Variants in DGKB observed in about 807,000 individuals in gnomAD.
DGKB encodes the protein diacylglycerol kinase beta.
A neutral mutation model predicts 114.3 loss-of-function variants in DGKB; 67 were observed. That is an observed-to-expected ratio of 0.59 (90% CI 0.48 to 0.72). The LOEUF (loss-of-function observed/expected upper bound fraction) is 0.72. DGKB is among the 30% of genes least tolerant of loss of function. DGKB has a pLI of 0.00. For missense variants in DGKB, 907 were observed against 975.2 expected, an observed-to-expected ratio of 0.93 and a Z score of 0.93; for synonymous variants, 398 against 323.1, an observed-to-expected ratio of 1.23 and a Z score of -2.49.
At chr7:14,955,689 A>C (rs1381936925) in intron 1 of DGKB, among the ~76,000 whole-genome samples, 1 of 152,096 alleles carries the variant, frequency 6.6e-6, no homozygotes, top group Non-Finnish European at 1.5e-5. Flanking sequence ...AACACACAAA[A>C]GAAACAGGAA....
chr7:14,807,583 A>T (rs1286837063), intron 2 of DGKB, among the ~76,000 whole-genome samples: 1 of 152,012 alleles, frequency 6.6e-6, no homozygotes, highest in East Asian at 1.9e-4. Context: ...ATTAAATAAG[A>T]TCAGTATTGT....
At chr7:14,647,022 C>A (rs537520186) in intron 13 of DGKB, among the ~76,000 whole-genome samples, 3 of 150,700 alleles carry the variant, frequency 2.0e-5, no homozygotes, top group East Asian at 4.0e-4. Context: ...AAACAGTCAA[C>A]AAAATGAAAA....
At chr7:14,786,832 G>A (rs931883767) in intron 2 of DGKB, among the ~76,000 whole-genome samples, 1 of 152,240 alleles carries the variant, frequency 6.6e-6, no homozygotes, top group Non-Finnish European at 1.5e-5. Context: ...GCTCGGCATA[G>A]GCCCGCAGGT....
chr7:14,553,219 T>C (rs1339894534), intron 20 of DGKB, among the ~76,000 whole-genome samples: 1 of 152,240 alleles, frequency 6.6e-6, no homozygotes, highest in Non-Finnish European at 1.5e-5. Context: ...CATATGCACA[T>C]GCTTTGTCAC....
At chr7:14,920,814 G>T (rs1280358124) in intron 1 of DGKB, among the ~76,000 whole-genome samples, 2 of 152,124 alleles carry the variant, frequency 1.3e-5, no homozygotes, top group Non-Finnish European at 2.9e-5. Flanking sequence ...ATTATTTGGT[G>T]ATAAAGGGAA....
At chr7:14,565,052 A>T (rs1268768691) in intron 20 of DGKB, among the ~76,000 whole-genome samples, 1 of 152,140 alleles carries the variant, frequency 6.6e-6, no homozygotes, top group Non-Finnish European at 1.5e-5. Context: ...CAAGAGGTAG[A>T]TTCTATATCT....
At chr7:14,949,140 A>C (rs143494289) in intron 1 of DGKB, among the ~76,000 whole-genome samples, 2 of 151,838 alleles carry the variant, frequency 1.3e-5, no homozygotes, top group African/African-American at 4.8e-5. Flanking sequence ...ATACGAAAAA[A>C]CAGGTATTTT....
At chr7:14,487,955 AT>A (rs1761770006) in intron 20 of DGKB, among the ~76,000 whole-genome samples, 1 of 152,120 alleles carries the variant, frequency 6.6e-6, no homozygotes, top group African/African-American at 2.4e-5. Flanking sequence ...GAAATAAAAT[AT>A]ATTTCTCATC....
intron 20 of DGKB, among the ~76,000 whole-genome samples, chr7:14,531,285 G>T (rs1791544011): frequency 6.6e-6 from 1 of 151,420 alleles, no homozygotes; most frequent in African/African-American, 2.4e-5. Flanking sequence ...AGACAAAAAT[G>T]ATCTTGTGTG....
At chr7:14,522,039 T>C (rs1339430476) in intron 20 of DGKB, among the ~76,000 whole-genome samples, 1 of 152,182 alleles carries the variant, frequency 6.6e-6, no homozygotes, top group Admixed American at 6.6e-5. Flanking sequence ...TTTTAAGCTT[T>C]GCGTCCTAAG....
intron 1 of DGKB, among the ~76,000 whole-genome samples, chr7:14,851,333 T>C (rs1218003293): frequency 6.6e-6 from 1 of 152,172 alleles, no homozygotes; most frequent in Non-Finnish European, 1.5e-5. Flanking sequence ...ATTTTGAATT[T>C]GGTTTATTAT....
intron 1 of DGKB, among the ~76,000 whole-genome samples, chr7:14,844,526 C>G (rs577188237): frequency 1.3e-5 from 2 of 152,278 alleles, no homozygotes; most frequent in Admixed American, 6.5e-5. Flanking sequence ...TACAAAAAAA[C>G]CCAGAAACCT....
chr7:14,527,032 T>C (rs1214111416), intron 20 of DGKB, among the ~76,000 whole-genome samples: 3 of 152,310 alleles, frequency 2.0e-5, no homozygotes, highest in South Asian at 4.1e-4. Flanking sequence ...TCAGCATTTA[T>C]ATTCAATGGT....
chr7:14,364,212 A>T (rs1019070055), intron 21 of DGKB, among the ~76,000 whole-genome samples: 4 of 152,026 alleles, frequency 2.6e-5, no homozygotes, highest in Non-Finnish European at 5.9e-5. Flanking sequence ...TAAAAACAAG[A>T]TTTGCTTTCC....
chr7:14,644,298 G>A (rs1812471918), intron 13 of DGKB, among the ~76,000 whole-genome samples: 1 of 152,106 alleles, frequency 6.6e-6, no homozygotes, highest in South Asian at 2.1e-4. Context: ...TCAGTGTAGG[G>A]ATGCAGGAAA....
At chr7:14,556,695 G>A (rs901516708) in intron 20 of DGKB, among the ~76,000 whole-genome samples, 1 of 151,896 alleles carries the variant, frequency 6.6e-6, no homozygotes, top group Non-Finnish European at 1.5e-5. Context: ...AAACCCTATT[G>A]GGTCAATAGA....
intron 25 of DGKB, among the ~76,000 whole-genome samples, chr7:14,149,622 T>C (rs1436390223): frequency 6.6e-6 from 1 of 152,114 alleles, no homozygotes; most frequent in African/African-American, 2.4e-5. Flanking sequence ...GGCACCATTA[T>C]AGTTTCCAGA....
At chr7:14,822,263 A>G (rs2041408) in intron 2 of DGKB, among the ~76,000 whole-genome samples, 52,094 of 152,022 alleles carry the variant, frequency 0.34, 10,599 homozygotes, top group Non-Finnish European at 0.45. Context: ...CACACATGTG[A>G]TATTTAAAGC....
At chr7:14,279,986 A>C (rs1799677536) in intron 23 of DGKB, among the ~76,000 whole-genome samples, 1 of 152,254 alleles carries the variant, frequency 6.6e-6, no homozygotes, top group African/African-American at 2.4e-5. Flanking sequence ...GCTCCTCACC[A>C]GTAACGGAAC....
Sources: gnomAD v4.1 joint callset for allele counts (sites outside exome capture counted in the v4.1 genomes callset) on GRCh38, gnomAD v4.1.1 for gene constraint, MANE v1.5 for transcripts, NCBI Gene and HGNC (gene_info 2026-07-23, HGNC 2026-07-21) for gene names.